ERC2: variants seen among roughly 807,000 people sequenced by gnomAD.
ERC2 encodes ELKS/RAB6-interacting/CAST family member 2, also known as ERC protein 2.
ERC2 carries 42 observed loss-of-function variants against 114.8 expected under a neutral mutation model. That is an observed-to-expected ratio of 0.37 (90% CI 0.29 to 0.47). ERC2 has a LOEUF of 0.47. Among genes scored for constraint, ERC2 ranks in the 20% least tolerant of loss-of-function variants. The probability of loss-of-function intolerance (pLI) is 0.99; values close to 1 mark genes in which losing one functional copy is unlikely to be tolerated. For synonymous variants in ERC2, 454 were observed against 425.5 expected (o/e 1.07, Z -0.82); for missense variants, 939 against 1,150.7 (o/e 0.82, Z 2.66).
intron 14 of ERC2, among the ~76,000 whole-genome samples, chr3:55,827,225 AAAAG>A (rs2060360905): frequency 1.3e-5 from 2 of 152,280 alleles, no homozygotes; most frequent in East Asian, 1.9e-4. Context: ...AGAAGAAAAG[AAAAG>A]AAAGAAAGAG....
intron 13 of ERC2, among the ~76,000 whole-genome samples, chr3:55,940,930 G>A (rs536147451): frequency 6.6e-6 from 1 of 152,146 alleles, no homozygotes; most frequent in Non-Finnish European, 1.5e-5. Context: ...CCAATAAAAG[G>A]CATGCAAAGA....
At chr3:56,084,783 T>C (rs2077417396) in intron 6 of ERC2, among the ~76,000 whole-genome samples, 1 of 151,338 alleles carries the variant, frequency 6.6e-6, no homozygotes, top group African/African-American at 2.4e-5. Context: ...ATGCGTACAC[T>C]GAAATCCCAG....
At chr3:55,907,354 A>C (rs962377886) in intron 13 of ERC2, among the ~76,000 whole-genome samples, 4 of 152,188 alleles carry the variant, frequency 2.6e-5, no homozygotes, top group Non-Finnish European at 5.9e-5. Context: ...CTGATTCCTT[A>C]ACTGTAAATG....
chr3:56,217,937 T>G (rs1560398695), intron 3 of ERC2, among the ~76,000 whole-genome samples: 1 of 152,052 alleles, frequency 6.6e-6, no homozygotes, highest in Non-Finnish European at 1.5e-5. Context: ...GCTAGCCATA[T>G]GTAGAAAGCT....
At chr3:55,898,198 T>G (rs2063933896) in intron 13 of ERC2, among the ~76,000 whole-genome samples, 1 of 152,206 alleles carries the variant, frequency 6.6e-6, no homozygotes, top group Admixed American at 6.5e-5. Flanking sequence ...CAAAATGCCC[T>G]TGAGCACTCT....
intron 6 of ERC2, among the ~76,000 whole-genome samples, chr3:56,129,737 G>T (rs2080093516): frequency 6.6e-6 from 1 of 152,072 alleles, no homozygotes; most frequent in Non-Finnish European, 1.5e-5. Context: ...TCAAACAGAA[G>T]TATAAACAAA....
At chr3:56,038,566 A>C (rs1463658382) in intron 7 of ERC2, among the ~76,000 whole-genome samples, 1 of 152,222 alleles carries the variant, frequency 6.6e-6, no homozygotes, top group Non-Finnish European at 1.5e-5. Flanking sequence ...CATTTGACCC[A>C]GCTATCCTTC....
At chr3:55,718,515 C>T (rs995127386) in intron 15 of ERC2, among the ~76,000 whole-genome samples, 2 of 152,116 alleles carry the variant, frequency 1.3e-5, no homozygotes, top group African/African-American at 4.8e-5. Context: ...ATTTTCTGGA[C>T]CAAATACCAG....
intron 17 of ERC2, among the ~76,000 whole-genome samples, chr3:55,672,871 G>A (rs1270114415): frequency 1.3e-5 from 2 of 152,156 alleles, no homozygotes; most frequent in Non-Finnish European, 2.9e-5. Context: ...GGAGTCTCTT[G>A]CATGGAGTCA....
intron 2 of ERC2, among the ~76,000 whole-genome samples, chr3:56,297,112 A>G (rs1194695749): frequency 6.6e-6 from 1 of 152,160 alleles, no homozygotes; most frequent in Non-Finnish European, 1.5e-5. Context: ...GTAACTGAAC[A>G]GCATGGTAAA....
intron 3 of ERC2, among the ~76,000 whole-genome samples, chr3:56,197,063 G>C (rs2048151741): frequency 6.6e-6 from 1 of 152,052 alleles, no homozygotes; most frequent in Non-Finnish European, 1.5e-5. Flanking sequence ...TGTCAGGTGT[G>C]AAAAAAGCTC....
At chr3:55,692,209 G>A (rs2062703276) in intron 16 of ERC2, among the ~76,000 whole-genome samples, 1 of 152,108 alleles carries the variant, frequency 6.6e-6, no homozygotes, top group African/African-American at 2.4e-5. Flanking sequence ...CAGAAAAGCT[G>A]GCCCTGCATT....
At chr3:55,571,955 A>G (rs2056737359) in intron 17 of ERC2, among the ~76,000 whole-genome samples, 1 of 152,162 alleles carries the variant, frequency 6.6e-6, no homozygotes, top group African/African-American at 2.4e-5. Flanking sequence ...TTACAAGATA[A>G]TGTGAACACC....
intron 17 of ERC2, among the ~76,000 whole-genome samples, chr3:55,539,057 G>GA (rs2054190936): frequency 1.3e-5 from 2 of 152,086 alleles, no homozygotes; most frequent in African/African-American, 4.8e-5. Context: ...TTCTGCATCT[G>GA]AAAAAACATA....
intron 17 of ERC2, among the ~76,000 whole-genome samples, chr3:55,623,923 T>C (rs1363086487): frequency 6.6e-6 from 1 of 152,238 alleles, no homozygotes. Context: ...TTTGCAGCAC[T>C]GGGTAACAAG....
At chr3:55,815,606 T>G in intron 14 of ERC2, among the ~76,000 whole-genome samples, 1 of 152,174 alleles carries the variant, frequency 6.6e-6, no homozygotes, top group East Asian at 1.9e-4. Context: ...TTTCAACCTG[T>G]GAGACCCTGA....
At chr3:55,932,027 T>G (rs2066125383) in intron 13 of ERC2, among the ~76,000 whole-genome samples, 1 of 152,248 alleles carries the variant, frequency 6.6e-6, no homozygotes, top group Admixed American at 6.5e-5. Flanking sequence ...GTTCTGTAAA[T>G]AGAGAACCTA....
At chr3:56,291,133 CT>C (rs2055057105) in intron 3 of ERC2, among the ~76,000 whole-genome samples, 1 of 152,174 alleles carries the variant, frequency 6.6e-6, no homozygotes, top group African/African-American at 2.4e-5. Context: ...TAATCCATTT[CT>C]TTTTCTTTAA....
intron 14 of ERC2, among the ~76,000 whole-genome samples, chr3:55,870,567 C>A (rs2062535890): frequency 1.3e-5 from 2 of 152,112 alleles, no homozygotes; most frequent in Admixed American, 6.5e-5. Context: ...GCCAAGGTCA[C>A]AGAGCCAGCA....
Sources: allele counts gnomAD v4.1 joint callset (sites outside exome capture counted in the v4.1 genomes callset), GRCh38; gene constraint gnomAD v4.1.1; transcripts MANE v1.5; gene names NCBI Gene and HGNC (gene_info 2026-07-23, HGNC 2026-07-21).